MARCHF3: variants seen among roughly 807,000 people sequenced by gnomAD.
MARCHF3 encodes E3 ubiquitin-protein ligase MARCHF3.
MARCHF3 carries 13 observed loss-of-function variants against 24.2 expected under a neutral mutation model. The ratio of observed to expected loss-of-function variants is 0.54; its 90% confidence interval spans 0.35 to 0.85. The LOEUF (loss-of-function observed/expected upper bound fraction) is 0.85, where lower values mean the gene tolerates loss of function less well. Among genes scored for constraint, MARCHF3 ranks in the 40% least tolerant of loss-of-function variants. MARCHF3 has a pLI of 0.01. For synonymous variants in MARCHF3, 144 were observed against 137.3 expected (o/e 1.05, Z -0.34); for missense variants, 276 against 325.0 (o/e 0.85, Z 1.16).
chr5:126,938,089 C>T (rs1006864619), intron 1 of MARCHF3, among the ~76,000 whole-genome samples: 1 of 151,972 alleles, frequency 6.6e-6, no homozygotes, highest in African/African-American at 2.4e-5. Context: ...TTGATGAGCA[C>T]CTCGGATTTT....
chr5:127,009,849 C>T (rs944457169), intron 1 of MARCHF3, among the ~76,000 whole-genome samples: 13 of 152,184 alleles, frequency 8.5e-5, no homozygotes, highest in Admixed American at 5.9e-4. Flanking sequence ...CTTAGGCAGC[C>T]AACTAGTAAC....
chr5:126,980,889 G>A (rs1354638052), intron 1 of MARCHF3, among the ~76,000 whole-genome samples: 1 of 152,208 alleles, frequency 6.6e-6, no homozygotes, highest in African/African-American at 2.4e-5. Context: ...GGGAAGTGGT[G>A]GACAGAGATG....
In MARCHF3 at chr5:126,878,268, G is replaced by A. The variant is rs762522689; in HGVS notation, c.520C>T (p.Leu174=). 1 of 1,614,274 alleles carries A rather than the reference G, an allele frequency of 6.2e-7. No individual in the cohort carries two copies. The highest frequency in any genetic ancestry group is 1.7e-5 in the Admixed American group (1 of 60,036). ...WLCLRGAVDH[L]HFSSRLEAVG... Reference sequence around the variant, plus strand: ...GCTTCCAGCCGACTACTAAAGTGCAGGTGGTCCACGGCGCCCCGCAGGCAC... The same window carrying A: ...GCTTCCAGCCGACTACTAAAGTGCAAGTGGTCCACGGCGCCCCGCAGGCAC... Residue 174 remains leucine (L), a synonymous_variant, in exon 4 of 5, where the codon CTG becomes TTG. Transcript: ENST00000308660.
intron 1 of MARCHF3, among the ~76,000 whole-genome samples, chr5:127,021,463 A>T (rs1255711547): frequency 6.6e-6 from 1 of 152,260 alleles, no homozygotes. Flanking sequence ...ATAATTTCAT[A>T]CAGTATTTGA....
chr5:127,001,044 C>G (rs113614594), intron 1 of MARCHF3, among the ~76,000 whole-genome samples: 3,406 of 152,154 alleles, frequency 0.022, 112 homozygotes, highest in African/African-American at 0.078. Context: ...TTGAGACCAG[C>G]CTGATCAACA....
chr5:126,995,864 C>G (rs936812033), intron 1 of MARCHF3, among the ~76,000 whole-genome samples: 22 of 152,160 alleles, frequency 1.4e-4, no homozygotes, highest in Non-Finnish European at 3.1e-4. Flanking sequence ...TCAGATAACT[C>G]GAATGGAAGG....
intron 1 of MARCHF3, among the ~76,000 whole-genome samples, chr5:127,020,776 G>A (rs1325409689): frequency 6.6e-5 from 10 of 152,020 alleles, no homozygotes; most frequent in South Asian, 2.1e-4. Flanking sequence ...GCTTGAGCTC[G>A]GGAGGTTAAG....
chr5:126,913,169 C>T (rs2126791175), intron 3 of MARCHF3, among the ~76,000 whole-genome samples: 1 of 152,334 alleles, frequency 6.6e-6, no homozygotes, highest in Non-Finnish European at 1.5e-5. Context: ...AGGGTATGTA[C>T]ATGCATGTGT....
intron 1 of MARCHF3, among the ~76,000 whole-genome samples, chr5:126,930,277 G>C (rs146043096): frequency 6.6e-6 from 1 of 152,220 alleles, no homozygotes; most frequent in East Asian, 1.9e-4. Flanking sequence ...TAAGACTTTT[G>C]TCCTTATGGT....
At chr5:127,003,322 C>T (rs927106323) in intron 1 of MARCHF3, among the ~76,000 whole-genome samples, 3 of 150,450 alleles carry the variant, frequency 2.0e-5, no homozygotes, top group African/African-American at 7.4e-5. Flanking sequence ...AAAAAATTAG[C>T]CGGGCGTGGT....
chr5:126,945,207 G>T (rs1749969185), intron 1 of MARCHF3, among the ~76,000 whole-genome samples: 3 of 152,162 alleles, frequency 2.0e-5, no homozygotes, highest in Non-Finnish European at 4.4e-5. Flanking sequence ...GCTTGAAATT[G>T]GCAATAGTGG....
intron 1 of MARCHF3, among the ~76,000 whole-genome samples, chr5:126,997,155 A>G (rs892034935): frequency 8.5e-5 from 13 of 152,348 alleles, no homozygotes; most frequent in African/African-American, 3.1e-4. Context: ...AATAGATACC[A>G]GATGTTAAAT....
intron 1 of MARCHF3, among the ~76,000 whole-genome samples, chr5:126,960,569 T>C (rs1309127113): frequency 6.6e-6 from 1 of 152,122 alleles, no homozygotes; most frequent in Non-Finnish European, 1.5e-5. Flanking sequence ...TATTTTCCCA[T>C]GTGAACATTT....
chr5:126,986,615 CAAT>C (rs1402482046), intron 1 of MARCHF3, among the ~76,000 whole-genome samples: 4 of 152,148 alleles, frequency 2.6e-5, no homozygotes, highest in African/African-American at 9.7e-5. Context: ...TAAATAAGTA[CAAT>C]GAGATAGATA....
At chr5:127,029,894 G>C (rs575627490) in intron 1 of MARCHF3, 9 of 152,414 alleles carry the variant, frequency 5.9e-5, no homozygotes, top group Admixed American at 2.0e-4. Flanking sequence ...AACCCGGCTG[G>C]TACTCCAGTT....
chr5:127,014,272 G>T (rs913635390), intron 1 of MARCHF3, among the ~76,000 whole-genome samples: 1 of 152,102 alleles, frequency 6.6e-6, no homozygotes, highest in Admixed American at 6.6e-5. Context: ...CGCTGATAGA[G>T]AAATGCAAAT....
chr5:127,013,383 T>A (rs761853540), intron 1 of MARCHF3, among the ~76,000 whole-genome samples: 3 of 152,186 alleles, frequency 2.0e-5, no homozygotes, highest in African/African-American at 7.2e-5. Context: ...CTACTGTATA[T>A]GAAAACTGCT....
intron 3 of MARCHF3, among the ~76,000 whole-genome samples, chr5:126,887,673 G>A (rs573882094): frequency 5.9e-5 from 9 of 152,262 alleles, no homozygotes; most frequent in African/African-American, 9.6e-5. Flanking sequence ...GAGCTCTCAC[G>A]CAATGCTCTC....
intron 1 of MARCHF3, among the ~76,000 whole-genome samples, chr5:127,027,863 G>A (rs898209133): frequency 6.6e-6 from 1 of 152,170 alleles, no homozygotes; most frequent in Non-Finnish European, 1.5e-5. Context: ...GGGATCCCTG[G>A]CATCAGAATC....
Sources: gnomAD v4.1 joint callset for allele counts (sites outside exome capture counted in the v4.1 genomes callset) on GRCh38, gnomAD v4.1.1 for gene constraint, MANE v1.5 for transcripts, NCBI Gene and HGNC (gene_info 2026-07-23, HGNC 2026-07-21) for gene names.